The following PRKCE variants were observed in gnomAD, a reference collection of about 807,000 sequenced individuals.
PRKCE encodes protein kinase C epsilon type.
A neutral mutation model predicts 85.4 loss-of-function variants in PRKCE; 16 were observed. The observed-to-expected ratio is 0.19, with a 90% CI of 0.13 to 0.28. The LOEUF (loss-of-function observed/expected upper bound fraction) is 0.28. Ranked by LOEUF, PRKCE falls within the 10% of genes least tolerant of loss-of-function variation. The probability of loss-of-function intolerance (pLI) is 1.00; values close to 1 mark genes in which losing one functional copy is unlikely to be tolerated. For missense variants in PRKCE, 573 were observed against 975.2 expected (o/e 0.59, Z 5.49); for synonymous variants, 388 against 371.5 (o/e 1.04, Z -0.51).
intron 2 of PRKCE, among the ~76,000 whole-genome samples, chr2:45,960,555 T>C (rs759495465): frequency 6.6e-6 from 1 of 152,134 alleles, no homozygotes; most frequent in African/African-American, 2.4e-5. Context: ...TTCCCGCTCC[T>C]ATGAGAATCT....
At chr2:45,820,388 A>T (rs1309895905) in intron 1 of PRKCE, among the ~76,000 whole-genome samples, 1 of 151,992 alleles carries the variant, frequency 6.6e-6, no homozygotes, top group African/African-American at 2.4e-5. Context: ...AGGCCTGAAA[A>T]TGTAGGTAGA....
intron 1 of PRKCE, among the ~76,000 whole-genome samples, chr2:45,787,128 C>T (rs535349005): frequency 1.3e-5 from 2 of 152,298 alleles, no homozygotes; most frequent in African/African-American, 4.8e-5. Context: ...AGGTGTCCCC[C>T]CAAGCTGGGA....
At chr2:46,140,851 C>T (rs527840575) in intron 11 of PRKCE, among the ~76,000 whole-genome samples, 70 of 152,000 alleles carry the variant, frequency 4.6e-4, no homozygotes, top group Non-Finnish European at 4.0e-4. Flanking sequence ...ACAAACACCA[C>T]AAAAGAAAAA....
In PRKCE at chr2:45,744,961, G is replaced by A. The variant is rs142385440; in HGVS notation, c.348+92513G>A. Among the ~76,000 whole-genome samples the A allele has an allele frequency of 2.3e-3, 343 of 152,278 alleles. 2 individuals carry two copies. The highest frequency in any genetic ancestry group is 8.0e-3 in the African/African-American group (332 of 41,560). ...TTCTGATTTGTGAGTCTCTTGTGGT[G>A]CTCTGAAATCTGTATTTTTCCAAGT... On this transcript the variant is annotated intron_variant, in intron 1 of 14. Coordinates refer to ENST00000306156, the MANE Select transcript of PRKCE (RefSeq NM_005400.3).
intron 1 of PRKCE, among the ~76,000 whole-genome samples, chr2:45,720,535 C>G (rs1206066431): frequency 2.6e-5 from 4 of 152,094 alleles, no homozygotes; most frequent in Non-Finnish European, 5.9e-5. Context: ...CGCTGCCCAC[C>G]AATGCCAGTA....
intron 2 of PRKCE, among the ~76,000 whole-genome samples, chr2:45,859,326 G>C (rs572625373): frequency 1.3e-5 from 2 of 152,096 alleles, no homozygotes; most frequent in South Asian, 4.2e-4. Context: ...AGTTTCTCTA[G>C]ATTATTTACC....
chr2:46,066,149 G>A (rs1204918105), intron 10 of PRKCE, among the ~76,000 whole-genome samples: 1 of 152,240 alleles, frequency 6.6e-6, no homozygotes, highest in African/African-American at 2.4e-5. Context: ...GTGGTGAGGG[G>A]TTGCAGGGGC....
In PRKCE at chr2:46,184,960, G is replaced by A. The variant is rs574321526; in HGVS notation, c.*79G>A. On this transcript the variant is annotated 3_prime_UTR_variant, in exon 15 of 15. Coordinates refer to ENST00000306156, the MANE Select transcript of PRKCE (RefSeq NM_005400.3). The surrounding 1 kb of genome is among the most constrained non-coding windows in gnomAD (Gnocchi z 5.0). Reference sequence around the variant, plus strand: ...CTCCTGTGTTGGAGACACTCAGCAGGTCTTGAACTACTTCTCCTCCTCGGA... The same window carrying A: ...CTCCTGTGTTGGAGACACTCAGCAGATCTTGAACTACTTCTCCTCCTCGGA... 2.1e-5 allele frequency: 32 copies of A among 1,543,282 alleles called. No individual in the cohort carries two copies. The South Asian group carries it at 3.5e-4, about 17-fold the overall frequency.
At chr2:46,140,296 T>C (rs1675387665) in intron 11 of PRKCE, among the ~76,000 whole-genome samples, 1 of 152,162 alleles carries the variant, frequency 6.6e-6, no homozygotes. Flanking sequence ...TAAAAGGCAT[T>C]ATAAACCTGC....
chr2:46,035,948 G>A (rs1210329273), intron 10 of PRKCE, among the ~76,000 whole-genome samples: 1 of 152,220 alleles, frequency 6.6e-6, no homozygotes, highest in Non-Finnish European at 1.5e-5. Flanking sequence ...GATGTCAGGT[G>A]GTGATAACAA....
intron 2 of PRKCE, among the ~76,000 whole-genome samples, chr2:45,935,624 T>C (rs1699387667): frequency 6.6e-6 from 1 of 152,022 alleles, no homozygotes; most frequent in Non-Finnish European, 1.5e-5. Flanking sequence ...CCATCTCTAC[T>C]AAAAATACAA....
Position 46,155,750 on chromosome 2 carries a change from C to T in PRKCE, c.1921-3856C>T, listed in dbSNP as rs942361257. Among the ~76,000 whole-genome samples, 4 of 152,150 alleles carry T rather than the reference C, an allele frequency of 2.6e-5. No individual in the cohort carries two copies. Among genetic ancestry groups the T allele is most frequent in the South Asian group, 2.1e-4 (1 of 4,824 alleles). ...CCCCATCACAGCTAGTCATCAAGTC[C>T]GTTCCCCCTGCTAACCTTTTCCATT... On this transcript the variant is annotated intron_variant, in intron 13 of 14. Coordinates refer to ENST00000306156, the MANE Select transcript of PRKCE (RefSeq NM_005400.3). This position sits in a 1 kb window ranked among gnomAD's most constrained non-coding sequence, Gnocchi z 4.7.
chr2:45,784,340 T>G (rs1573344174), intron 1 of PRKCE, among the ~76,000 whole-genome samples: 2 of 152,190 alleles, frequency 1.3e-5, no homozygotes, highest in East Asian at 3.8e-4. Context: ...GGGTGAGGTG[T>G]GGAACCGAAC....
At chr2:45,999,341 A>G (rs1704477637) in intron 6 of PRKCE, among the ~76,000 whole-genome samples, 1 of 152,094 alleles carries the variant, frequency 6.6e-6, no homozygotes, top group Non-Finnish European at 1.5e-5. Context: ...TTGAAGGATA[A>G]TATTGCAGGG....
Position 45,984,652 on chromosome 2 carries a change from A to T in PRKCE, c.795A>T (p.Gly265=), listed in dbSNP as rs982003714. ...ATCACTGTGGGTCCCTGCTCTGGGG[A>T]CTCTTGCGGCAGGGTTTGCAGTGTA... is the stretch of plus-strand genomic sequence containing the variant. ...FCDHCGSLLW[G]LLRQGLQCKV... The change falls in exon 6 of 15, where the codon GGA becomes GGT. Residue 265 remains glycine, a synonymous_variant. Coordinates refer to ENST00000306156, the MANE Select transcript of PRKCE (RefSeq NM_005400.3). The T allele has an allele frequency of 6.3e-7, 1 of 1,598,686 alleles. No individual in the cohort carries two copies. The highest frequency in any genetic ancestry group is 1.3e-5 in the African/African-American group (1 of 74,768).
intron 11 of PRKCE, among the ~76,000 whole-genome samples, chr2:46,131,061 T>C: frequency 6.6e-6 from 1 of 152,198 alleles, no homozygotes; most frequent in Non-Finnish European, 1.5e-5. Context: ...CAACCTGCTC[T>C]AGTGTGAGGA....
chr2:45,834,954 C>G (rs1029206231), intron 1 of PRKCE, among the ~76,000 whole-genome samples: 10 of 152,202 alleles, frequency 6.6e-5, no homozygotes, highest in African/African-American at 2.2e-4. Flanking sequence ...ACTCTCAAAC[C>G]TACATTTTGG....
At chr2:45,663,866 T>A (rs1675793324) in intron 1 of PRKCE, among the ~76,000 whole-genome samples, 2 of 151,538 alleles carry the variant, frequency 1.3e-5, no homozygotes, top group South Asian at 4.2e-4. Flanking sequence ...AAGATTAAAG[T>A]AGGAATGCAC....
chr2:45,903,826 C>T (rs56916622), intron 2 of PRKCE, among the ~76,000 whole-genome samples: 2 of 151,942 alleles, frequency 1.3e-5, no homozygotes, highest in Non-Finnish European at 2.9e-5. Context: ...TCATCACTTT[C>T]ATCATATCCC....
Sources: gnomAD v4.1 joint callset for allele counts (sites outside exome capture counted in the v4.1 genomes callset) on GRCh38, gnomAD v4.1.1 for gene constraint, Gnocchi (gnomAD v3.1) non-coding constraint, MANE v1.5 for transcripts, NCBI Gene and HGNC (gene_info 2026-07-23, HGNC 2026-07-21) for gene names.